GLE1: variants seen among roughly 807,000 people sequenced by gnomAD.
The protein encoded by GLE1 is mRNA export factor GLE1.
A neutral mutation model predicts 97.3 loss-of-function variants in GLE1; 78 were observed. The observed-to-expected ratio is 0.80, with a 90% CI of 0.67 to 0.97. The LOEUF (loss-of-function observed/expected upper bound fraction) is 0.97. GLE1 is among the 50% of genes least tolerant of loss of function. The pLI is 0.00. For missense variants in GLE1, 753 were observed against 857.5 expected, an observed-to-expected ratio of 0.88 and a Z score of 1.52; for synonymous variants, 302 against 313.4, an observed-to-expected ratio of 0.96 and a Z score of 0.39.
chr9:128,507,043 A>G (rs1212355937), intron 1 of GLE1, among the ~76,000 whole-genome samples: 1 of 152,178 alleles, frequency 6.6e-6, no homozygotes, highest in East Asian at 1.9e-4. Context: ...CGCTCATCTT[A>G]TATTTTTCTG....
In GLE1 at chr9:128,525,240, C is replaced by A. The variant is rs749236753; in HGVS notation, c.946C>A (p.Arg316=). 1.1e-5 allele frequency: 17 copies of A among 1,613,974 alleles called. No individual in the cohort carries two copies. The East Asian group carries it at 3.8e-4, about 36-fold the overall frequency. ...ESQAEAERAL[R]EMRDLLMNLG... The stretch of plus-strand genomic sequence containing the variant: ...TCAAGCTGAGGCTGAGCGAGCTCTG[C>A]GGGAAATGCGGGACCTCCTGATGAA... Residue 316 remains arginine, a synonymous_variant, in exon 7 of 16, where the codon CGG becomes AGG. Coordinates refer to ENST00000309971, the MANE Select transcript of GLE1 (RefSeq NM_001003722.2).
At chr9:128,506,976 A>G (rs771587023) in intron 1 of GLE1, among the ~76,000 whole-genome samples, 1 of 152,062 alleles carries the variant, frequency 6.6e-6, no homozygotes, top group Admixed American at 6.6e-5. Flanking sequence ...TAGTTTTTTC[A>G]TTTATTTATT....
intron 15 of GLE1, 119 bp downstream of exon 15, chr9:128,540,457 C>A (rs567993526): frequency 2.1e-4 from 155 of 739,752 alleles, no homozygotes; most frequent in Middle Eastern, 6.7e-4. Flanking sequence ...TTCTTCCAAA[C>A]CCTTCTTTTT....
intron 4 of GLE1, 120 bp downstream of exon 4, chr9:128,522,936 T>C (rs555299178): frequency 6.8e-6 from 8 of 1,174,226 alleles, no homozygotes; most frequent in Admixed American, 3.9e-5. Context: ...CAAGGTAAAA[T>C]AGGCAGAGAA....
At chr9:128,504,705 C>T, upstream of GLE1, 1 of 840,236 alleles carries the variant, frequency 1.2e-6, no homozygotes, top group South Asian at 1.3e-5. Context: ...GTGCTGCGCG[C>T]GCGTCCCGGA....
intron 3 of GLE1, among the ~76,000 whole-genome samples, chr9:128,517,126 C>T (rs1412505065): frequency 6.6e-6 from 1 of 151,558 alleles, no homozygotes; most frequent in African/African-American, 2.4e-5. Flanking sequence ...CCCATCTCTA[C>T]TAAAAATACA....
intron 7 of GLE1, 85 bp from the exon 8 acceptor site, chr9:128,527,094 C>A: frequency 1.3e-6 from 1 of 762,004 alleles, no homozygotes; most frequent in Non-Finnish European, 2.4e-6. Context: ...TCAGTACATA[C>A]ATAAAGTGAT....
At chr9:128,512,540 G>C (rs887156536) in intron 2 of GLE1, among the ~76,000 whole-genome samples, 29 of 152,208 alleles carry the variant, frequency 1.9e-4, no homozygotes, top group African/African-American at 6.7e-4. Flanking sequence ...GTATTTTTAT[G>C]AGCAGCTTCT....
intron 7 of GLE1, 114 bp downstream of exon 7, chr9:128,525,537 G>T (rs1387797811): frequency 2.6e-6 from 2 of 758,920 alleles, no homozygotes; most frequent in East Asian, 2.7e-5. Flanking sequence ...AGAATTTTAT[G>T]TAATGTATTT....
chr9:128,520,458 C>T (rs1847122415), intron 3 of GLE1, among the ~76,000 whole-genome samples: 1 of 147,978 alleles, frequency 6.8e-6, no homozygotes, highest in Non-Finnish European at 1.5e-5. Flanking sequence ...ATAAAAAATA[C>T]AATAAAATCA....
chr9:128,534,578 A>C (rs1847635513), intron 11 of GLE1, among the ~76,000 whole-genome samples: 1 of 152,046 alleles, frequency 6.6e-6, no homozygotes, highest in African/African-American at 2.4e-5. Context: ...TTTTTAAATG[A>C]GGGTAATGAC....
At chr9:128,525,004 A>C (rs991122390) in intron 6 of GLE1, among the ~76,000 whole-genome samples, 188 bp from the exon 7 acceptor site, 4 of 152,196 alleles carry the variant, frequency 2.6e-5, no homozygotes, top group Admixed American at 6.6e-5. Flanking sequence ...TTATACTTAG[A>C]AACTATGGAT....
At chr9:128,537,764 C>T (rs753907608) in intron 12 of GLE1, among the ~76,000 whole-genome samples, 1 of 152,128 alleles carries the variant, frequency 6.6e-6, no homozygotes, top group African/African-American at 2.4e-5. Context: ...GATCCATGAT[C>T]GCACTATAGC....
intron 3 of GLE1, among the ~76,000 whole-genome samples, chr9:128,519,505 G>A (rs183403116): frequency 3.0e-4 from 45 of 152,234 alleles, no homozygotes; most frequent in Admixed American, 2.4e-3. Context: ...CTCCCATAGC[G>A]CTCCCAGGCT....
Position 128,523,666 on chromosome 9 carries a change from A to G in GLE1, c.717A>G (p.Glu239=), listed in dbSNP as rs1847216578. The G allele has an allele frequency of 6.2e-7, 1 of 1,614,016 alleles. No homozygotes were observed. Among genetic ancestry groups the G allele is most frequent in the East Asian group, 2.2e-5 (1 of 44,880 alleles). Residue 239 remains glutamate (E), a synonymous_variant, in exon 6 of 16, where the codon GAA becomes GAG. Coordinates refer to ENST00000309971, the MANE Select transcript of GLE1 (RefSeq NM_001003722.2). The part of the protein sequence containing the change: ...KQAEQERLRK[E]EGQIRLRALY... ...CAGAACAGGAGCGGCTTCGGAAGGA[A>G]GAAGGCCAGATCCGCCTGCGGGCCC...
chr9:128,510,421 G>A (rs142960264), intron 2 of GLE1, among the ~76,000 whole-genome samples: 116 of 150,938 alleles, frequency 7.7e-4, no homozygotes, highest in African/African-American at 2.0e-3. Flanking sequence ...TGGAGATGGT[G>A]TTTCACCATA....
intron 2 of GLE1, among the ~76,000 whole-genome samples, chr9:128,512,127 A>G (rs998255532): frequency 1.3e-5 from 2 of 152,126 alleles, no homozygotes; most frequent in African/African-American, 4.8e-5. Flanking sequence ...AGATTTATTT[A>G]TTTAACATTC....
At chr9:128,535,347 C>T (rs1456188614) in intron 11 of GLE1, among the ~76,000 whole-genome samples, 1 of 151,384 alleles carries the variant, frequency 6.6e-6, no homozygotes, top group Non-Finnish European at 1.5e-5. Context: ...ATGGGGAAAA[C>T]CCGTTTCTAC....
intron 2 of GLE1, among the ~76,000 whole-genome samples, chr9:128,514,523 A>C (rs1401795410): frequency 1.3e-5 from 2 of 150,096 alleles, no homozygotes; most frequent in Non-Finnish European, 3.0e-5. Context: ...GCGCACTGCA[A>C]GCTCCACCTC....
Sources: allele counts gnomAD v4.1 joint callset (sites outside exome capture counted in the v4.1 genomes callset), GRCh38; gene constraint gnomAD v4.1.1; transcripts MANE v1.5; gene names NCBI Gene and HGNC (gene_info 2026-07-23, HGNC 2026-07-21).